Variants in CTNND2 observed in about 807,000 individuals in gnomAD.
The protein encoded by CTNND2 is catenin delta-2.
In CTNND2, 22 loss-of-function variants were observed where a neutral mutation model predicts 144.4. The observed-to-expected ratio is 0.15, with a 90% confidence interval of 0.11 to 0.22. The LOEUF is 0.22. CTNND2 is among the 10% of genes least tolerant of loss of function. CTNND2 has a pLI of 1.00. For missense variants in CTNND2, 1,353 were observed against 1,618.8 expected (o/e 0.84, Z 2.82); for synonymous variants, 751 against 695.6 (o/e 1.08, Z -1.25).
chr5:10,978,589 C>T (rs1344893272), intron 21 of CTNND2, among the ~76,000 whole-genome samples: 1 of 152,176 alleles, frequency 6.6e-6, no homozygotes, highest in Non-Finnish European at 1.5e-5. Flanking sequence ...CTTGGCTGGT[C>T]CCTTACAGGG....
intron 2 of CTNND2, among the ~76,000 whole-genome samples, chr5:11,685,285 C>T (rs939039023): frequency 6.6e-6 from 1 of 152,148 alleles, no homozygotes; most frequent in Non-Finnish European, 1.5e-5. Flanking sequence ...AAGGTGAACA[C>T]ATATTCAGTC....
At chr5:11,301,159 G>A (rs530011646) in intron 9 of CTNND2, among the ~76,000 whole-genome samples, 2 of 149,434 alleles carry the variant, frequency 1.3e-5, no homozygotes, top group Admixed American at 1.3e-4. Flanking sequence ...TGGGATTACA[G>A]GCACCTGCCA....
At chr5:11,453,354 G>A (rs564016755) in intron 3 of CTNND2, among the ~76,000 whole-genome samples, 2 of 152,306 alleles carry the variant, frequency 1.3e-5, no homozygotes, top group East Asian at 3.9e-4. Context: ...ACTAGAAGCT[G>A]TCCCAATGTT....
At chr5:11,611,185 C>A (rs1456198567) in intron 2 of CTNND2, among the ~76,000 whole-genome samples, 1 of 152,126 alleles carries the variant, frequency 6.6e-6, no homozygotes, top group Non-Finnish European at 1.5e-5. Context: ...CTTGCTGACA[C>A]CATGTGAAGA....
chr5:11,385,051 C>A lies in CTNND2; in HGVS notation c.791G>T (p.Arg264Leu). ...GGGCGCGGCCAGCGGGGAGCCCCCG[C>A]GCGGCGGCGCGGGCAGCGTGGAGCT... is the stretch of plus-strand genomic sequence containing the variant. ...YSSSTLPAPP[R>L]GGSPLAAPQG... The change falls in exon 7 of 22, where the codon CGC becomes CTC. Residue 264 changes from arginine (R) to leucine (L), a missense_variant. By Grantham distance (102) the Arg-to-Leu change is moderately radical. Coordinates refer to ENST00000304623, the MANE Select transcript of CTNND2 (RefSeq NM_001332.4). 14 of 1,111,950 alleles carry A rather than the reference C, an allele frequency of 1.3e-5. No homozygotes were observed. The highest frequency in any genetic ancestry group is 1.5e-5 in the Non-Finnish European group (14 of 917,098). The allele number at this position is 1,111,950 out of a possible 1,614,324, so 68.9% of individuals were successfully genotyped here. A position where few individuals can be genotyped will look rare whatever the true frequency, so the allele number is the denominator to read the frequency against.
At chr5:10,999,472 GC>G (rs1739695012) in intron 18 of CTNND2, among the ~76,000 whole-genome samples, 1 of 152,160 alleles carries the variant, frequency 6.6e-6, no homozygotes, top group African/African-American at 2.4e-5. Flanking sequence ...AGATAAGAAA[GC>G]CCAGGGAAGA....
intron 9 of CTNND2, among the ~76,000 whole-genome samples, chr5:11,258,587 G>A (rs1744526786): frequency 1.3e-5 from 2 of 152,014 alleles, no homozygotes; most frequent in Admixed American, 1.3e-4. Flanking sequence ...GTTTCGCTTT[G>A]TCTACTCTTT....
In CTNND2 at chr5:11,310,688, A is replaced by C. The variant is rs540944091; in HGVS notation, c.1628+35684T>G. On this transcript the variant is annotated intron_variant, in intron 9 of 21. Coordinates refer to ENST00000304623, the MANE Select transcript of CTNND2 (RefSeq NM_001332.4). Reference sequence around the variant, plus strand: ...CTCTGCCTTTCCCCAGCGGCATCTCAGTAGATGCCTCTCTCATGTTCCTCC... The same window carrying C: ...CTCTGCCTTTCCCCAGCGGCATCTCCGTAGATGCCTCTCTCATGTTCCTCC... Among the ~76,000 whole-genome samples, 7 of 151,868 alleles carry C rather than the reference A, an allele frequency of 4.6e-5. No homozygotes were observed. In the South Asian group the frequency reaches 1.5e-3, roughly 32 times the overall value.
chr5:10,993,842 T>G (rs900057458), intron 18 of CTNND2, among the ~76,000 whole-genome samples: 1 of 152,150 alleles, frequency 6.6e-6, no homozygotes, highest in East Asian at 1.9e-4. Context: ...TGGAAATGAG[T>G]ATGCATTTTG....
chr5:11,224,678 T>C (rs1740142255), intron 10 of CTNND2, among the ~76,000 whole-genome samples: 1 of 152,186 alleles, frequency 6.6e-6, no homozygotes, highest in South Asian at 2.1e-4. Context: ...GAGAGCTTCA[T>C]CTTGCCTTGT....
At chr5:11,420,557 A>AT (rs1328782238) in intron 3 of CTNND2, among the ~76,000 whole-genome samples, 7 of 152,108 alleles carry the variant, frequency 4.6e-5, no homozygotes, top group Admixed American at 2.0e-4. Context: ...GTGAAGAGTG[A>AT]TCCCCCACTG....
intron 1 of CTNND2, among the ~76,000 whole-genome samples, chr5:11,868,280 G>A (rs763000991): frequency 6.6e-6 from 1 of 152,146 alleles, no homozygotes; most frequent in Non-Finnish European, 1.5e-5. Context: ...CCAGGGTGGT[G>A]ATTGGGGTGT....
chr5:11,180,008 A>G (rs1215665254), intron 11 of CTNND2, among the ~76,000 whole-genome samples: 1 of 152,246 alleles, frequency 6.6e-6, no homozygotes, highest in Non-Finnish European at 1.5e-5. Flanking sequence ...AGGCTAGAGC[A>G]CTAATTCTGT....
At chr5:11,410,198 G>A (rs983041493) in intron 5 of CTNND2, among the ~76,000 whole-genome samples, 23 of 152,050 alleles carry the variant, frequency 1.5e-4, no homozygotes, top group Non-Finnish European at 3.1e-4. Flanking sequence ...AAGAGGTAAC[G>A]ATTAGACATT....
intron 3 of CTNND2, among the ~76,000 whole-genome samples, chr5:11,501,421 T>C (rs886761827): frequency 6.6e-6 from 1 of 152,156 alleles, no homozygotes; most frequent in African/African-American, 2.4e-5. Flanking sequence ...AAATGGGAAG[T>C]GACTACTGGG....
At chr5:11,098,866 T>C (rs912115032) in intron 14 of CTNND2, 118 bp from the exon 15 acceptor site, 2 of 883,970 alleles carry the variant, frequency 2.3e-6, no homozygotes, top group Non-Finnish European at 3.5e-6. Flanking sequence ...TTGCTGAACA[T>C]AGACTGCACG....
chr5:11,026,911 G>C (rs1287251934), intron 16 of CTNND2, among the ~76,000 whole-genome samples: 2 of 152,122 alleles, frequency 1.3e-5, no homozygotes, highest in Non-Finnish European at 2.9e-5. Flanking sequence ...GATTTCACGC[G>C]GGAATAACAC....
At position 11,385,097 on chromosome 5, in the gene CTNND2, C is replaced by T. The variant is rs1387959871; in HGVS notation, c.745G>A (p.Ala249Thr). 1.9e-6 allele frequency: 2 copies of T among 1,039,342 alleles called. No homozygotes were observed. Among genetic ancestry groups the T allele is most frequent in the African/African-American group, 1.7e-5 (1 of 57,506 alleles). The allele number at this position is 1,039,342 out of a possible 1,614,324, so 64.4% of individuals were successfully genotyped here. A position where few individuals can be genotyped will look rare whatever the true frequency, so the allele number is the denominator to read the frequency against. The change falls in exon 7 of 22, where the codon GCC becomes ACC. Residue 249 changes from alanine to threonine, a missense_variant. Coordinates refer to ENST00000304623, the MANE Select transcript of CTNND2 (RefSeq NM_001332.4). ...GAGCTGGAGTAGTAGAGCGCGGCGG[C>T]GGCGGCGGCGGGCGGCGCGTCGGGC... ...HLPDAPPAAA[A>T]AALYYSSSTL...
At chr5:11,833,729 G>A (rs769801153) in intron 1 of CTNND2, among the ~76,000 whole-genome samples, 23 of 152,142 alleles carry the variant, frequency 1.5e-4, no homozygotes, top group Non-Finnish European at 2.4e-4. Context: ...TCATCAGGTT[G>A]GCCAGGCTGG....
Sources: gnomAD v4.1 joint callset for allele counts (sites outside exome capture counted in the v4.1 genomes callset) on GRCh38, gnomAD v4.1.1 for gene constraint, MANE v1.5 for transcripts, NCBI Gene and HGNC (gene_info 2026-07-23, HGNC 2026-07-21) for gene names.